The following RNLS variants were observed in gnomAD, a reference collection of about 807,000 sequenced individuals.
The protein encoded by RNLS is renalase.
RNLS carries 39 observed loss-of-function variants against 39.8 expected under a neutral mutation model. That is an observed-to-expected ratio of 0.98 (90% CI 0.76 to 1.28). The LOEUF is 1.28. RNLS is among the 50% of genes most tolerant of loss of function. The pLI is 0.00. For missense variants in RNLS, 410 were observed against 413.3 expected (o/e 0.99, Z 0.07); for synonymous variants, 147 against 150.7 (o/e 0.98, Z 0.18).
the RNLS span, among the ~76,000 whole-genome samples, chr10:88,225,600 G>C: frequency 6.6e-6 from 1 of 152,118 alleles, no homozygotes; most frequent in African/African-American, 2.4e-5. Context: ...TGTACTCCCA[G>C]CTACTGGGGA....
chr10:88,558,168 A>G (rs1414740295), intron 4 of RNLS, among the ~76,000 whole-genome samples: 2 of 152,140 alleles, frequency 1.3e-5, no homozygotes, highest in African/African-American at 4.8e-5. Context: ...CACATTGGTA[A>G]AGGATAAATT....
the RNLS span, among the ~76,000 whole-genome samples, chr10:88,178,161 T>G: frequency 8.9e-3 from 1,352 of 152,292 alleles, 14 homozygotes; most frequent in African/African-American, 0.03. Flanking sequence ...GGGTGCTGGG[T>G]TCTCAGCTGT....
chr10:88,509,438 AAG>A (rs993545564), intron 4 of RNLS, among the ~76,000 whole-genome samples: 1 of 113,884 alleles, frequency 8.8e-6, no homozygotes, highest in African/African-American at 2.9e-5. Context: ...GAAAGGAAAT[AAG>A]AGAGAGAGAG....
At chr10:88,380,804 C>T (rs906847846) in intron 4 of RNLS, among the ~76,000 whole-genome samples, 1 of 152,144 alleles carries the variant, frequency 6.6e-6, no homozygotes, top group Non-Finnish European at 1.5e-5. Context: ...CTGACTCTAT[C>T]TTGAATTTAT....
chr10:88,351,444 A>G (rs1848699970), intron 5 of RNLS, among the ~76,000 whole-genome samples: 1 of 152,212 alleles, frequency 6.6e-6, no homozygotes, highest in Non-Finnish European at 1.5e-5. Flanking sequence ...AGCTTCCTAC[A>G]TATGGCTAGC....
At chr10:88,571,094 C>T (rs556819929) in intron 4 of RNLS, among the ~76,000 whole-genome samples, 3 of 151,708 alleles carry the variant, frequency 2.0e-5, no homozygotes, top group African/African-American at 2.4e-5. Flanking sequence ...GGCAATTCCC[C>T]GCCTCAGCCT....
intron 4 of RNLS, among the ~76,000 whole-genome samples, chr10:88,563,768 T>G (rs529717517): frequency 6.6e-6 from 1 of 152,154 alleles, no homozygotes; most frequent in Non-Finnish European, 1.5e-5. Flanking sequence ...CCCCAAGATC[T>G]TTATTTTAAT....
intron 6 of RNLS, among the ~76,000 whole-genome samples, chr10:88,292,964 T>C (rs1270489632): frequency 1.3e-5 from 2 of 152,026 alleles, no homozygotes; most frequent in Non-Finnish European, 2.9e-5. Context: ...GGCAGGAGAA[T>C]GGCTTGAACC....
intron 6 of RNLS, among the ~76,000 whole-genome samples, chr10:88,293,420 C>T (rs1417361980): frequency 6.6e-6 from 1 of 152,068 alleles, no homozygotes; most frequent in African/African-American, 2.4e-5. Flanking sequence ...TAGCCCCTAT[C>T]TATGCAAAGC....
At chr10:88,321,472 T>C (rs1165775598) in intron 5 of RNLS, among the ~76,000 whole-genome samples, 1 of 152,020 alleles carries the variant, frequency 6.6e-6, no homozygotes, top group Non-Finnish European at 1.5e-5. Flanking sequence ...TGACATAAAA[T>C]TGTGACCAAC....
At chr10:88,531,528 G>T (rs1847423272) in intron 4 of RNLS, among the ~76,000 whole-genome samples, 1 of 151,996 alleles carries the variant, frequency 6.6e-6, no homozygotes, top group Admixed American at 6.6e-5. Context: ...TTCCTGGTTA[G>T]ATGTTAGCAA....
intron 4 of RNLS, among the ~76,000 whole-genome samples, chr10:88,569,341 A>G (rs1849699134): frequency 6.6e-6 from 1 of 152,088 alleles, no homozygotes; most frequent in Non-Finnish European, 1.5e-5. Context: ...TTGTAACAGC[A>G]AAGTTGTGAG....
chr10:88,279,074 T>A (rs1842916835), intron 6 of RNLS, among the ~76,000 whole-genome samples: 1 of 152,124 alleles, frequency 6.6e-6, no homozygotes. Context: ...GGAGGCTAGA[T>A]CGGCTGGGGG....
intron 4 of RNLS, among the ~76,000 whole-genome samples, chr10:88,417,238 C>T (rs898208656): frequency 6.6e-6 from 1 of 152,156 alleles, no homozygotes; most frequent in Non-Finnish European, 1.5e-5. Flanking sequence ...GGTCTAAACA[C>T]TATTGTATTG....
chr10:88,467,156 T>C (rs2133961040), intron 4 of RNLS, among the ~76,000 whole-genome samples: 1 of 152,224 alleles, frequency 6.6e-6, no homozygotes, highest in East Asian at 1.9e-4. Flanking sequence ...TTTCATTTTG[T>C]TGGGCTGTAA....
chr10:88,353,613 G>A (rs955776991), intron 5 of RNLS, among the ~76,000 whole-genome samples: 12 of 152,290 alleles, frequency 7.9e-5, no homozygotes, highest in African/African-American at 2.6e-4. Context: ...CATTTGCTGA[G>A]GAGTGCTTTA....
the RNLS span, among the ~76,000 whole-genome samples, chr10:88,174,677 T>C: frequency 1.3e-5 from 2 of 152,206 alleles, no homozygotes; most frequent in Admixed American, 1.3e-4. Flanking sequence ...TTGTTGACGA[T>C]TTTTTGCAGC....
chr10:88,482,156 G>A (rs1383250295), intron 4 of RNLS, among the ~76,000 whole-genome samples: 1 of 151,964 alleles, frequency 6.6e-6, no homozygotes, highest in African/African-American at 2.4e-5. Context: ...TACTACTTAG[G>A]GTTAATTGGG....
chr10:88,464,792 G>A (rs771801665), intron 4 of RNLS, among the ~76,000 whole-genome samples: 3 of 151,138 alleles, frequency 2.0e-5, no homozygotes, highest in South Asian at 2.1e-4. Context: ...GAAAATGAAC[G>A]TCAGTGAAAA....
Sources: allele counts gnomAD v4.1 joint callset (sites outside exome capture counted in the v4.1 genomes callset), GRCh38; gene constraint gnomAD v4.1.1; transcripts MANE v1.5; gene names NCBI Gene and HGNC (gene_info 2026-07-23, HGNC 2026-07-21).